CRK: variants seen among roughly 807,000 people sequenced by gnomAD.
The protein encoded by CRK is CRK proto-oncogene, adaptor protein.
In CRK, 4 loss-of-function variants were observed where a neutral mutation model predicts 29.8. That is an observed-to-expected ratio of 0.13 (90% CI 0.07 to 0.31). The LOEUF (loss-of-function observed/expected upper bound fraction) is 0.31, where lower values mean the gene tolerates loss of function less well. Among genes scored for constraint, CRK ranks in the 10% least tolerant of loss-of-function variants. The pLI, the probability that CRK is intolerant of heterozygous loss-of-function variation, is 1.00. For synonymous variants in CRK, 153 were observed against 164.9 expected, an observed-to-expected ratio of 0.93 and a Z score of 0.55; for missense variants, 274 against 396.5, an observed-to-expected ratio of 0.69 and a Z score of 2.62.
At chr17:1,435,060 TTTTC>T (rs888145520) in intron 2 of CRK, among the ~76,000 whole-genome samples, 11 of 152,102 alleles carry the variant, frequency 7.2e-5, no homozygotes, top group African/African-American at 2.7e-4. Context: ...CCATGGCTTT[TTTTC>T]TTTTTCTTTT....
intron 1 of CRK, among the ~76,000 whole-genome samples, chr17:1,445,110 T>G (rs1488040937): frequency 1.3e-5 from 2 of 151,000 alleles, no homozygotes; most frequent in Non-Finnish European, 2.9e-5. Context: ...ATCGCGCCAC[T>G]GTACTCCAGC....
chr17:1,430,533 T>A (rs1022209160), intron 2 of CRK, among the ~76,000 whole-genome samples: 1 of 122,476 alleles, frequency 8.2e-6, no homozygotes, highest in Non-Finnish European at 1.7e-5. Context: ...ATTTTTTGTA[T>A]TTTTTTTTTT....
At chr17:1,438,276 C>T (rs983803534) in intron 1 of CRK, among the ~76,000 whole-genome samples, 5 of 152,078 alleles carry the variant, frequency 3.3e-5, no homozygotes, top group South Asian at 2.1e-4. Context: ...ACTACAGGCA[C>T]GCTCAACCAT....
chr17:1,453,530 C>T (rs1045206398), intron 1 of CRK, among the ~76,000 whole-genome samples: 1 of 152,192 alleles, frequency 6.6e-6, no homozygotes, highest in African/African-American at 2.4e-5. Flanking sequence ...ATATTCCCAT[C>T]TCATAATACT....
intron 1 of CRK, among the ~76,000 whole-genome samples, chr17:1,449,615 A>C (rs1326060418): frequency 6.6e-6 from 1 of 152,172 alleles, no homozygotes; most frequent in Non-Finnish European, 1.5e-5. Flanking sequence ...GCTCAAGCTT[A>C]TAACGACTCT....
At chr17:1,436,277 T>C (rs2073885600) in intron 2 of CRK, among the ~76,000 whole-genome samples, 3 of 152,160 alleles carry the variant, frequency 2.0e-5, no homozygotes, top group Admixed American at 2.0e-4. Flanking sequence ...ACCCACCTTC[T>C]TTTAGACAAC....
intron 2 of CRK, among the ~76,000 whole-genome samples, chr17:1,432,968 G>A (rs748914676): frequency 6.6e-5 from 10 of 152,008 alleles, no homozygotes; most frequent in Admixed American, 3.9e-4. Context: ...AGCAAGTCCC[G>A]GCTGTATCAT....
At chr17:1,432,193 A>G (rs905400715) in intron 2 of CRK, among the ~76,000 whole-genome samples, 3 of 152,176 alleles carry the variant, frequency 2.0e-5, no homozygotes, top group African/African-American at 4.8e-5. Context: ...ATGTTTAAGA[A>G]TAAAGACAAC....
intron 2 of CRK, among the ~76,000 whole-genome samples, chr17:1,427,574 CAG>C (rs1311136689): frequency 6.6e-6 from 1 of 151,786 alleles, no homozygotes; most frequent in Non-Finnish European, 1.5e-5. Context: ...GCCTGGGTAA[CAG>C]AGCGAGACTC....
chr17:1,433,509 CT>C (rs60236552), intron 2 of CRK, among the ~76,000 whole-genome samples: 1,087 of 58,556 alleles, frequency 0.019, 4 homozygotes, highest in East Asian at 0.031. Context: ...CCACGCCTGG[CT>C]TTTTTTTTTT....
rs745890859 is a variant in CRK, at chr17:1,455,947, G to A, written c.171C>T (p.Val57=). 2 of 1,602,026 alleles carry A rather than the reference G, an allele frequency of 1.2e-6. No individual in the cohort carries two copies. The highest frequency in any genetic ancestry group is 1.4e-5 in the African/African-American group (1 of 73,014). The change falls in exon 1 of 3, where the codon GTC becomes GTT. Residue 57 remains valine, a synonymous_variant. Transcript: ENST00000300574. The stretch of plus-strand genomic sequence containing the variant: ...CGCTGCTGTTGATGATGTAGTGGGA[G>A]ACGCGCGAGTTCTCTGAGACGCTGA... ...YVLSVSENSR[V]SHYIINSSGP...
At chr17:1,449,751 G>A (rs1453413718) in intron 1 of CRK, among the ~76,000 whole-genome samples, 1 of 152,182 alleles carries the variant, frequency 6.6e-6, no homozygotes, top group Non-Finnish European at 1.5e-5. Context: ...AATGTGACCA[G>A]TAGACTTGGC....
rs1367583203 is a variant in CRK at position 1,421,113 on chromosome 17, C to G, written c.*2400G>C. 4 of 152,136 alleles carry G rather than the reference C, an allele frequency of 2.6e-5. 1 individual carries two copies. Among genetic ancestry groups the G allele is most frequent in the Non-Finnish European group, 5.9e-5 (4 of 68,026 alleles). 9.4% of individuals were successfully genotyped at this position (152,136 alleles called of 1,614,324 possible). A position where few individuals can be genotyped will look rare whatever the true frequency, so the allele number is the denominator to read the frequency against. On this transcript the variant is annotated 3_prime_UTR_variant, in exon 3 of 3. Coordinates refer to ENST00000300574, the MANE Select transcript of CRK (RefSeq NM_016823.4). ...TTTTGGAAGACACTTATAAGACATC[C>G]TTTGATTTCTTGAGGGGCATTAACT...
At position 1,423,633 on chromosome 17, in the gene CRK, C is replaced by T; in HGVS notation, c.795G>A (p.Lys265=). The T allele has an allele frequency of 1.2e-6, 2 of 1,614,060 alleles. No individual in the cohort carries two copies. ...GACCACTCACATTAATCTTCGTAAC[C>T]TTTACCAGCTCACCGACCTGCAGGA... ...ALALEVGELV[K]VTKINVSGQW... Residue 265 remains lysine (K), a synonymous_variant, in exon 3 of 3, where the codon AAG becomes AAA. Transcript: ENST00000300574.
At chr17:1,433,513 T>A (rs2073862731) in intron 2 of CRK, among the ~76,000 whole-genome samples, 1 of 114,726 alleles carries the variant, frequency 8.7e-6, no homozygotes, top group African/African-American at 3.1e-5. Flanking sequence ...GCCTGGCTTT[T>A]TTTTTTTTTT....
At chr17:1,444,004 T>G (rs1439674950) in intron 1 of CRK, among the ~76,000 whole-genome samples, 1 of 151,926 alleles carries the variant, frequency 6.6e-6, no homozygotes, top group Non-Finnish European at 1.5e-5. Flanking sequence ...CTGGCCTATT[T>G]TTTTTTTTTA....
rs562515421 is a variant in CRK at position 1,427,030 on chromosome 17, C to CAAA, written c.778-3383_778-3381dup. 1.9e-3 allele frequency among the ~76,000 whole-genome samples: 67 copies of CAAA among 35,302 alleles called. 2 individuals are homozygous for CAAA. Among genetic ancestry groups the CAAA allele is most frequent in the South Asian group, 3.5e-3 (2 of 576 alleles). The allele number at this position is 35,302 out of a possible 152,430, so 23.2% of individuals were successfully genotyped here. On this transcript the variant is annotated intron_variant, in intron 2 of 2. Coordinates refer to ENST00000300574, the MANE Select transcript of CRK (RefSeq NM_016823.4). ...CTGGGCGACAGAGCAAAACTGTCTC[C>CAAA]AAAAAAAAAAAAAAAAAAAAAAAAA...
intron 2 of CRK, among the ~76,000 whole-genome samples, chr17:1,430,862 T>A (rs1325520885): frequency 6.6e-6 from 1 of 151,270 alleles, no homozygotes; most frequent in Non-Finnish European, 1.5e-5. Context: ...GGTCAGCAGA[T>A]CGAGACCATC....
At position 1,444,528 on chromosome 17, in the gene CRK, T is replaced by C. The variant is rs1337491149; in HGVS notation, c.242-7373A>G. On this transcript the variant is annotated intron_variant, in intron 1 of 2. Transcript: ENST00000300574. ...TAACAGAGGGAGAGCCTGTCTCAAT[T>C]AAAAAAATAAAAAAAGCTGGGCGTG... 5.9e-5 allele frequency among the ~76,000 whole-genome samples: 7 copies of C among 118,668 alleles called. No homozygotes were observed. In the East Asian group the frequency reaches 1.5e-3, roughly 25 times the overall value. 77.9% of individuals were successfully genotyped at this position (118,668 alleles called of 152,430 possible). A position where few individuals can be genotyped will look rare whatever the true frequency, so the allele number is the denominator to read the frequency against.
Sources: allele counts gnomAD v4.1 joint callset (sites outside exome capture counted in the v4.1 genomes callset), GRCh38; gene constraint gnomAD v4.1.1; transcripts MANE v1.5; gene names NCBI Gene and HGNC (gene_info 2026-07-23, HGNC 2026-07-21).